The following MAGIX variants were observed in gnomAD, a reference collection of about 807,000 sequenced individuals.
MAGIX encodes the protein PDZ domain-containing protein MAGIX.
MAGIX carries 13 observed loss-of-function variants against 10.0 expected under a neutral mutation model. That is an observed-to-expected ratio of 1.30 (90% CI 0.84 to 2.06). MAGIX has a LOEUF of 2.06. Among genes scored for constraint, MAGIX ranks in the 30% most tolerant of loss-of-function variants. The pLI is 0.00. For synonymous variants in MAGIX, 108 were observed against 106.8 expected (o/e 1.01, Z -0.07); for missense variants, 235 against 245.2 (o/e 0.96, Z 0.28).
At chrX:49,164,092 G>A in intron 2 of MAGIX, 163 bp downstream of exon 2, 1 of 425,235 alleles carries the variant, frequency 2.4e-6, no homozygotes, top group Non-Finnish European at 3.6e-6. Flanking sequence ...GAGGAGCCTT[G>A]GGGTTATTCT....
exon 5 of MAGIX, chrX:49,167,887 C>G (rs1168949566): frequency 8.9e-6 from 1 of 112,202 alleles, no homozygotes; most frequent in African/African-American, 3.2e-5. Flanking sequence ...TGCACATCTA[C>G]TCAACTATCC....
exon 5 of MAGIX, chrX:49,166,125 G>T: frequency 8.3e-7 from 1 of 1,211,801 alleles, no homozygotes. Flanking sequence ...GAGGTAACGG[G>T]GTCTCGCAGC....
chrX:49,165,785 G>T, intron 4 of MAGIX: 1 of 353,830 alleles, frequency 2.8e-6, no homozygotes, highest in East Asian at 4.5e-5. Flanking sequence ...GTCAACGGAG[G>T]TGGGATGAGA....
intron 2 of MAGIX, chrX:49,164,282 T>A: frequency 3.7e-6 from 1 of 266,813 alleles, no homozygotes; most frequent in Non-Finnish European, 6.6e-6. Context: ...GAGCCTATAG[T>A]CCCATGGGGG....
exon 1 of MAGIX, chrX:49,162,736 T>C (rs2065337182): frequency 6.1e-6 from 2 of 325,699 alleles, no homozygotes; most frequent in Non-Finnish European, 1.1e-5. Context: ...GCCTCCTTGC[T>C]GGCCGCCAGG....
At chrX:49,164,830 G>A (rs1161229041) in exon 3 of MAGIX, 1 of 1,208,681 alleles carries the variant, frequency 8.3e-7, no homozygotes, top group Non-Finnish European at 1.1e-6. Flanking sequence ...CTGCCTCAGG[G>A]CAAACTATGT....
At position 49,166,214 on chromosome X, in the gene MAGIX, G is replaced by C; in HGVS notation, c.643G>C (p.Glu215Gln). ...CCGGGGCAGCCCGGAGCCTAGTCCA[G>C]AGGCGGCCGCCGATGGCCCCACGGT... is the stretch of plus-strand genomic sequence containing the variant. Residue 215 changes from glutamate to glutamine, a missense_variant, in exon 5 of 5, where the codon GAG becomes CAG. Glu to Gln is a conservative substitution (Grantham distance 29). Transcript: ENST00000616266. 7 of 1,206,054 alleles carry C rather than the reference G, an allele frequency of 5.8e-6. No homozygotes were observed. Among genetic ancestry groups the C allele is most frequent in the Non-Finnish European group, 7.8e-6 (7 of 893,111 alleles).
At chrX:49,164,486 G>A (rs2065352338) in intron 2 of MAGIX, 2 of 479,113 alleles carry the variant, frequency 4.2e-6, no homozygotes, top group Non-Finnish European at 7.4e-6. Flanking sequence ...CTGAGCCCAG[G>A]ATTGTTTATT....
chrX:49,166,507 C>T (rs1329607926), exon 5 of MAGIX: 46 of 646,793 alleles, frequency 7.1e-5, no homozygotes, highest in Non-Finnish European at 9.8e-5. Context: ...TTGGTTTGGT[C>T]CCCCCACCCG....
exon 2 of MAGIX, chrX:49,163,872 G>A: frequency 9.6e-7 from 1 of 1,038,926 alleles, no homozygotes; most frequent in Admixed American, 5.3e-5. Context: ...AGCTGCGGTC[G>A]ACGTGGCAGC....
chrX:49,163,688 A>C, intron 1 of MAGIX, 95 bp from the exon 2 acceptor site: 1 of 842,913 alleles, frequency 1.2e-6, no homozygotes. Context: ...GTCGCCGGGT[A>C]TCCTGAGGGG....
chrX:49,163,195 G>A, intron 1 of MAGIX: 1 of 260,077 alleles, frequency 3.8e-6, no homozygotes, highest in Non-Finnish European at 6.8e-6. Flanking sequence ...ACGTGCAGAT[G>A]TGCGGGGAGG....
chrX:49,165,249 G>C, exon 4 of MAGIX: 1 of 1,183,072 alleles, frequency 8.5e-7, no homozygotes, highest in Non-Finnish European at 1.1e-6. Flanking sequence ...CCCATGCCCA[G>C]GCCGTGGAGC....
At chrX:49,166,012 T>A in intron 4 of MAGIX, 62 bp from the exon 6 acceptor site, 1 of 1,102,484 alleles carries the variant, frequency 9.1e-7, no homozygotes, top group Middle Eastern at 2.5e-4. Context: ...GGTTCTCCTG[T>A]CCATCCTCAG....
chrX:49,165,459 G>T lies in MAGIX; in HGVS notation c.502+98G>T, dbSNP rs1220514004. 8.4e-6 allele frequency: 7 copies of T among 829,778 alleles called. No homozygotes were observed. The Admixed American group carries it at 2.3e-4, about 28-fold the overall frequency. 68.4% of individuals were successfully genotyped at this position (829,778 alleles called of 1,213,427 possible). Reference sequence around the variant, plus strand: ...GATTCTGGGTGGGAAGGGTTTGGTGGTCTCTGTGGGGAGGGTCTGCAAGAG... The same window carrying T: ...GATTCTGGGTGGGAAGGGTTTGGTGTTCTCTGTGGGGAGGGTCTGCAAGAG... On this transcript the variant is annotated intron_variant, in intron 4 of 4. Coordinates refer to ENST00000616266, the Ensembl canonical transcript of MAGIX.
intron 2 of MAGIX, 105 bp downstream of exon 2, chrX:49,164,034 G>A: frequency 1.2e-6 from 1 of 827,010 alleles, no homozygotes; most frequent in Non-Finnish European, 1.6e-6. Flanking sequence ...TCTTGGGTGG[G>A]GCCAAGGGGC....
At chrX:49,165,896 G>T (rs2065362716) in intron 4 of MAGIX, 178 bp from the exon 6 acceptor site, 2 of 440,423 alleles carry the variant, frequency 4.5e-6, no homozygotes, top group African/African-American at 5.1e-5. Context: ...GGAGGGGAGG[G>T]GTCTCGGGAA....
In MAGIX at chrX:49,163,943, G is replaced by T. The variant is rs782144662; in HGVS notation, c.-55+14G>T. On this transcript the variant is annotated intron_variant, in intron 2 of 4. Coordinates refer to ENST00000616266, the Ensembl canonical transcript of MAGIX. ...GCCGGAAGGAGGGTGAGTGACTGGC[G>T]CAGGGCCTCCGCTGGGGGAGGGTTC... The T allele has an allele frequency of 6.9e-6, 7 of 1,008,393 alleles. No homozygotes were observed. The highest frequency in any genetic ancestry group is 8.8e-6 in the Non-Finnish European group (7 of 794,193). The allele number at this position is 1,008,393 out of a possible 1,213,427, so 83.1% of individuals were successfully genotyped here.
At chrX:49,166,128 C>A (rs782595227) in exon 5 of MAGIX, 13 of 1,211,826 alleles carry the variant, frequency 1.1e-5, no homozygotes, top group Non-Finnish European at 1.5e-5. Flanking sequence ...GTAACGGGGT[C>A]TCGCAGCAGC....
Sources: allele counts gnomAD v4.1 joint callset, GRCh38; gene constraint gnomAD v4.1.1; transcripts MANE v1.5; gene names NCBI Gene and HGNC (gene_info 2026-07-23, HGNC 2026-07-21).